The following ADGRF1 variants were observed in gnomAD, a reference collection of about 807,000 sequenced individuals.
The protein encoded by ADGRF1 is G protein-coupled receptor 110.
Under a neutral mutation model 87.2 loss-of-function variants are expected in ADGRF1, and 85 were observed. The observed-to-expected ratio is 0.97, with a 90% confidence interval of 0.82 to 1.17. ADGRF1 has a LOEUF of 1.17. ADGRF1 is among the 50% of genes most tolerant of loss of function. The pLI is 0.00. For missense variants in ADGRF1, 1,169 were observed against 1,077.2 expected, an observed-to-expected ratio of 1.09 and a Z score of -1.19; for synonymous variants, 430 against 408.8, an observed-to-expected ratio of 1.05 and a Z score of -0.63.
chr6:47,007,343 A>G (rs1329197618), intron 11 of ADGRF1, 49 bp from the exon 12 acceptor site: 1 of 1,179,378 alleles, frequency 8.5e-7, no homozygotes, highest in African/African-American at 1.5e-5. Context: ...TTCTTTTCCA[A>G]AAAAGAAAGC....
intron 1 of ADGRF1, among the ~76,000 whole-genome samples, chr6:47,035,604 C>T (rs17288960): frequency 0.053 from 8,011 of 152,140 alleles, 274 homozygotes; most frequent in Middle Eastern, 0.14. Flanking sequence ...CTAAATACAA[C>T]GAATTTTTTA....
chr6:47,013,102 G>T (rs905752672), intron 9 of ADGRF1: 5 of 985,348 alleles, frequency 5.1e-6, no homozygotes, highest in Non-Finnish European at 4.8e-6. Context: ...CTTTCTTGAG[G>T]CTCCCATCTA....
At chr6:47,027,650 C>G in intron 3 of ADGRF1, 54 bp downstream of exon 3, 1 of 1,231,574 alleles carries the variant, frequency 8.1e-7, no homozygotes, top group Non-Finnish European at 1.2e-6. Flanking sequence ...GGATTAGAAA[C>G]CTGGTCCCTT....
At chr6:47,006,863 A>G (rs889468690) in intron 12 of ADGRF1, among the ~76,000 whole-genome samples, 2 of 152,240 alleles carry the variant, frequency 1.3e-5, no homozygotes, top group Non-Finnish European at 2.9e-5. Context: ...CTCTACAAGT[A>G]TAGAAGTAGA....
intron 7 of ADGRF1, 34 bp downstream of exon 7, chr6:47,020,696 TG>T: frequency 6.2e-7 from 1 of 1,608,642 alleles, no homozygotes. Context: ...TGCCCAATTC[TG>T]GGGATGCCCT....
rs1779655041 is a variant in ADGRF1, at chr6:47,009,948, T to G, written c.1487A>C (p.Asn496Thr). ...TLGNILPVSK[N>T]GNAQVNGPVI... is the part of the protein sequence containing the mutation. The stretch of plus-strand genomic sequence containing the variant: ...AGGTCCATTGACCTGAGCATTTCCA[T>G]TTTTGGAAACGGGTAGAATGTTCCC... Residue 496 changes from asparagine (N) to threonine (T), a missense_variant, in exon 11 of 15, where the codon AAT (asparagine) becomes ACT (threonine). Transcript: ENST00000371253. 1 of 1,613,988 alleles carries G rather than the reference T, an allele frequency of 6.2e-7. No individual in the cohort carries two copies. Among genetic ancestry groups the G allele is most frequent in the Admixed American group, 1.7e-5 (1 of 59,998 alleles).
intron 2 of ADGRF1, 101 bp downstream of exon 2, chr6:47,028,892 T>C (rs1780326336): frequency 8.2e-6 from 7 of 858,372 alleles, no homozygotes; most frequent in South Asian, 6.9e-5. Context: ...GTACATTAAA[T>C]TATGCAGTTG....
At chr6:47,031,084 A>G (rs1026118167) in intron 1 of ADGRF1, among the ~76,000 whole-genome samples, 6 of 152,066 alleles carry the variant, frequency 3.9e-5, no homozygotes, top group African/African-American at 1.4e-4. Context: ...ACCTCTAGGG[A>G]AGGATTTTTT....
intron 12 of ADGRF1, 71 bp from the exon 13 acceptor site, chr6:47,005,947 C>A: frequency 2.1e-6 from 2 of 965,308 alleles, no homozygotes; most frequent in Non-Finnish European, 1.6e-6. Context: ...AGAACAACTG[C>A]AGGTTGAAAT....
chr6:47,010,973 G>A (rs908761883), intron 10 of ADGRF1, among the ~76,000 whole-genome samples: 6 of 149,356 alleles, frequency 4.0e-5, no homozygotes, highest in African/African-American at 1.5e-4. Context: ...TATGGGTCTG[G>A]CTCCCAGACA....
chr6:47,018,307 T>A, intron 7 of ADGRF1: 1 of 996,426 alleles, frequency 1.0e-6, no homozygotes, highest in Non-Finnish European at 1.3e-6. Context: ...AAGCAGTGTA[T>A]CATTCCCATT....
chr6:47,039,697 C>G (rs990140070), intron 1 of ADGRF1, among the ~76,000 whole-genome samples: 3 of 152,232 alleles, frequency 2.0e-5, no homozygotes, highest in African/African-American at 7.2e-5. Context: ...CATGGTGGCT[C>G]ACGCCTGTAA....
At chr6:47,013,439 G>C (rs1779767963) in intron 9 of ADGRF1, 2 of 985,298 alleles carry the variant, frequency 2.0e-6, no homozygotes, top group Non-Finnish European at 2.4e-6. Flanking sequence ...TACTATTCTG[G>C]GGTTTTCTAC....
In ADGRF1 at chr6:47,000,137, T is replaced by G. The variant is rs1779319705; in HGVS notation, c.*85A>C. 9.8e-7 allele frequency: 1 copy of G among 1,023,238 alleles called. No individual in the cohort carries two copies. Among genetic ancestry groups the G allele is most frequent in the Non-Finnish European group, 1.5e-6 (1 of 658,746 alleles). 63.4% of individuals were successfully genotyped at this position (1,023,238 alleles called of 1,614,324 possible). A position where few individuals can be genotyped will look rare whatever the true frequency, so the allele number is the denominator to read the frequency against. Reference sequence around the variant, plus strand: ...CCCTAAATCAGAAAACCCGATCGAATACTGAGCATAATTTCTTCATTGACA... The same window carrying G: ...CCCTAAATCAGAAAACCCGATCGAAGACTGAGCATAATTTCTTCATTGACA... On this transcript the variant is annotated 3_prime_UTR_variant, in exon 15 of 15. Transcript: ENST00000371253.
intron 4 of ADGRF1, 99 bp from the exon 5 acceptor site, chr6:47,024,316 A>T: frequency 2.4e-6 from 2 of 848,098 alleles, no homozygotes; most frequent in East Asian, 5.4e-5. Context: ...TTTCAGATTA[A>T]CTTCCTACAT....
In ADGRF1 at chr6:47,009,961, G is replaced by A. The variant is rs201082802; in HGVS notation, c.1474C>T (p.Pro492Ser). Residue 492 changes from proline to serine, a missense_variant, in exon 11 of 15, where the codon CCC becomes TCC. Pro to Ser is a moderately conservative substitution (Grantham distance 74). Coordinates refer to ENST00000371253, the MANE Select transcript of ADGRF1 (RefSeq NM_153840.4). ...TGAGCATTTCCATTTTTGGAAACGG[G>A]TAGAATGTTCCCCAGAGTCAACGAG... ...MASLTLGNILPVSKNGNAQVN... is the reference protein window; with the variant it reads ...MASLTLGNILSVSKNGNAQVN... 7 of 1,614,126 alleles carry A rather than the reference G, an allele frequency of 4.3e-6. No individual in the cohort carries two copies. Among genetic ancestry groups the A allele is most frequent in the Non-Finnish European group, 5.9e-6 (7 of 1,179,976 alleles).
In ADGRF1 at chr6:47,037,369, C is replaced by T. The variant is rs533577042; in HGVS notation, c.-44+4822G>A. ...TTTAGGAACTCTTTTGTCTTTGTCG[C>T]TCCTGTTATAGGTATTTGCTCATGA... On this transcript the variant is annotated intron_variant, in intron 1 of 14. Transcript: ENST00000371253. Among the ~76,000 whole-genome samples, 4 of 152,284 alleles carry T rather than the reference C, an allele frequency of 2.6e-5. No individual in the cohort carries two copies. The South Asian group carries it at 8.3e-4, about 32-fold the overall frequency.
intron 13 of ADGRF1, among the ~76,000 whole-genome samples, chr6:47,003,227 T>C (rs1779411914): frequency 1.3e-5 from 2 of 152,154 alleles, no homozygotes; most frequent in South Asian, 2.1e-4. Flanking sequence ...TTAAGACTGA[T>C]AGAACAAATC....
chr6:47,032,763 G>A (rs1780466225), intron 1 of ADGRF1, among the ~76,000 whole-genome samples: 1 of 152,160 alleles, frequency 6.6e-6, no homozygotes, highest in Non-Finnish European at 1.5e-5. Context: ...CTTACCATCA[G>A]TTTTTATAGT....
Sources: gnomAD v4.1 joint callset for allele counts (sites outside exome capture counted in the v4.1 genomes callset) on GRCh38, gnomAD v4.1.1 for gene constraint, MANE v1.5 for transcripts, NCBI Gene and HGNC (gene_info 2026-07-23, HGNC 2026-07-21) for gene names.